SNX6: variants seen among roughly 807,000 people sequenced by gnomAD.
SNX6 encodes the protein sorting nexin-6.
Under a neutral mutation model 63.0 loss-of-function variants are expected in SNX6, and 34 were observed. That is an observed-to-expected ratio of 0.54 (90% CI 0.41 to 0.72). SNX6 has a LOEUF of 0.72. Among genes scored for constraint, SNX6 ranks in the 30% least tolerant of loss-of-function variants. The probability of loss-of-function intolerance (pLI) is 0.00; values close to 1 mark genes in which losing one functional copy is unlikely to be tolerated. For missense variants in SNX6, 398 were observed against 471.4 expected (o/e 0.84, Z 1.44); for synonymous variants, 170 against 164.2 (o/e 1.04, Z -0.27).
At chr14:34,588,159 C>T (rs899316775) in intron 8 of SNX6, among the ~76,000 whole-genome samples, 3 of 151,994 alleles carry the variant, frequency 2.0e-5, no homozygotes, top group Non-Finnish European at 2.9e-5. Context: ...AGGCGCCCGC[C>T]ACCACGCCCA....
At chr14:34,570,227 G>A (rs1477158417) in intron 11 of SNX6, among the ~76,000 whole-genome samples, 2 of 151,646 alleles carry the variant, frequency 1.3e-5, no homozygotes, top group Admixed American at 6.6e-5. Context: ...GTGCCACCAC[G>A]CCTGGCTAAT....
At chr14:34,618,846 C>T (rs372475789) in intron 2 of SNX6, among the ~76,000 whole-genome samples, 150 of 152,188 alleles carry the variant, frequency 9.9e-4, no homozygotes, top group Admixed American at 3.3e-3. Flanking sequence ...CCCTCCCAGC[C>T]CAAAAATCCC....
intron 6 of SNX6, 112 bp from the exon 7 acceptor site, chr14:34,597,757 TA>T (rs1282800974): frequency 3.2e-6 from 2 of 627,194 alleles, no homozygotes; most frequent in Non-Finnish European, 5.5e-6. Flanking sequence ...TTAATCTTAA[TA>T]AAGTGGAAAT....
chr14:34,569,820 T>C (rs73234377), intron 11 of SNX6, among the ~76,000 whole-genome samples: 1,599 of 152,264 alleles, frequency 0.011, 25 homozygotes, highest in African/African-American at 0.036. Context: ...TTACCACTTT[T>C]TGGATATAAT....
intron 2 of SNX6, among the ~76,000 whole-genome samples, chr14:34,611,599 T>C (rs537824971): frequency 6.0e-5 from 9 of 150,336 alleles, no homozygotes; most frequent in Non-Finnish European, 1.3e-4. Context: ...CTGGTCAACA[T>C]GGTGAAACCC....
rs916161964 is a variant in SNX6, at chr14:34,562,510, A to G, written c.*612T>C. On this transcript the variant is annotated 3_prime_UTR_variant, in exon 14 of 14. Coordinates refer to ENST00000362031, the MANE Select transcript of SNX6 (RefSeq NM_152233.4). ...CACTGTTATCGCTGTTTATTTTACA[A>G]TACTTGGTTTAGTCTACAAGTTTAA... is the stretch of plus-strand genomic sequence containing the variant. 1 of 152,678 alleles carries G rather than the reference A, an allele frequency of 6.5e-6. No homozygotes were observed. The highest frequency in any genetic ancestry group is 6.5e-5 in the Admixed American group (1 of 15,274). 9.5% of individuals were successfully genotyped at this position (152,678 alleles called of 1,614,324 possible). A position where few individuals can be genotyped will look rare whatever the true frequency, so the allele number is the denominator to read the frequency against.
chr14:34,578,634 G>GAAAAAAA (rs1214360269), intron 10 of SNX6, among the ~76,000 whole-genome samples: 1 of 97,028 alleles, frequency 1.0e-5, no homozygotes, highest in Non-Finnish European at 2.1e-5. Flanking sequence ...GTCTCAAAAA[G>GAAAAAAA]AAAAAAAAAA....
At chr14:34,587,390 G>A (rs756924823) in intron 8 of SNX6, among the ~76,000 whole-genome samples, 2 of 151,794 alleles carry the variant, frequency 1.3e-5, no homozygotes, top group East Asian at 2.0e-4. Flanking sequence ...AGAATTAGCC[G>A]AGTGTGGTGG....
chr14:34,593,635 G>A (rs745958875), intron 7 of SNX6, among the ~76,000 whole-genome samples: 1 of 149,950 alleles, frequency 6.7e-6, no homozygotes, highest in Non-Finnish European at 1.5e-5. Context: ...GCAGTGGCGC[G>A]ATCTTGGCTC....
intron 7 of SNX6, among the ~76,000 whole-genome samples, chr14:34,594,971 A>G (rs896352812): frequency 6.6e-6 from 1 of 152,074 alleles, no homozygotes; most frequent in Admixed American, 6.6e-5. Flanking sequence ...ACGTACCTAT[A>G]GTTCCAGCTA....
Position 34,604,265 on chromosome 14 carries a change from A to G in SNX6, c.393-794T>C, listed in dbSNP as rs768907430. 3 of 1,266,912 alleles carry G rather than the reference A, an allele frequency of 2.4e-6. No individual in the cohort carries two copies. The South Asian group carries it at 3.9e-5, about 17-fold the overall frequency. The allele number at this position is 1,266,912 out of a possible 1,614,324, so 78.5% of individuals were successfully genotyped here. The stretch of plus-strand genomic sequence containing the variant: ...TAAACCCAAGGTTCTCTGTTATCCA[A>G]CCCCTAACCAGACCACAAAAGAATC... On this transcript the variant is annotated intron_variant, in intron 5 of 13. Coordinates refer to ENST00000362031, the MANE Select transcript of SNX6 (RefSeq NM_152233.4).
intron 9 of SNX6, among the ~76,000 whole-genome samples, chr14:34,581,889 C>T (rs915995318): frequency 3.3e-5 from 5 of 151,992 alleles, no homozygotes; most frequent in African/African-American, 9.7e-5. Context: ...AGTGCAACTG[C>T]GCAATCTCAG....
chr14:34,596,621 GA>G (rs71121212), intron 7 of SNX6, among the ~76,000 whole-genome samples: 60 of 131,380 alleles, frequency 4.6e-4, no homozygotes, highest in Admixed American at 6.2e-4. Flanking sequence ...TCTATCTCAG[GA>G]AAAAAAAAAA....
At chr14:34,621,687 A>T (rs961999821) in intron 2 of SNX6, among the ~76,000 whole-genome samples, 3 of 152,200 alleles carry the variant, frequency 2.0e-5, no homozygotes, top group Non-Finnish European at 1.5e-5. Context: ...TCCTTCCTAC[A>T]TTCTATGTTT....
chr14:34,578,937 C>CAAA lies in SNX6; in HGVS notation c.834+2621_834+2623dup, dbSNP rs71121210. ...CTGGCGACAGAGCGAGACTTCATCTCAAAAAAAAAAAAAAAAAAAAAAAAA... is the reference window on the plus strand; with the variant it reads ...CTGGCGACAGAGCGAGACTTCATCTCAAAAAAAAAAAAAAAAAAAAAAAAAAAA... On this transcript the variant is annotated intron_variant, in intron 10 of 13. Coordinates refer to ENST00000362031, the MANE Select transcript of SNX6 (RefSeq NM_152233.4). Among the ~76,000 whole-genome samples, 103 of 22,544 alleles carry CAAA rather than the reference C, an allele frequency of 4.6e-3. 14 individuals carry two copies. Among genetic ancestry groups the CAAA allele is most frequent in the Admixed American group, 0.012 (11 of 906 alleles). 14.8% of individuals were successfully genotyped at this position (22,544 alleles called of 152,430 possible).
chr14:34,581,048 T>C (rs970172746), intron 10 of SNX6, among the ~76,000 whole-genome samples: 1 of 152,228 alleles, frequency 6.6e-6, no homozygotes, highest in Non-Finnish European at 1.5e-5. Flanking sequence ...TGTTTCATCA[T>C]CCTTCTGAAG....
chr14:34,614,223 T>G (rs904714564), intron 2 of SNX6, among the ~76,000 whole-genome samples: 23 of 151,774 alleles, frequency 1.5e-4, no homozygotes, highest in Middle Eastern at 3.4e-3. Context: ...GCTCAGGAGT[T>G]CAAGACCAAT....
intron 2 of SNX6, among the ~76,000 whole-genome samples, chr14:34,613,222 G>A (rs1380041307): frequency 1.6e-4 from 25 of 152,190 alleles, no homozygotes; most frequent in Non-Finnish European, 2.9e-5. Context: ...TCCGGAGGGA[G>A]AGCTGGCCCT....
chr14:34,593,096 G>A lies in SNX6; in HGVS notation c.667C>T (p.Arg223Ter), dbSNP rs556464729. 2 of 1,608,748 alleles carry A rather than the reference G, an allele frequency of 1.2e-6. No homozygotes were observed. Among genetic ancestry groups the A allele is most frequent in the Non-Finnish European group, 1.7e-6 (2 of 1,178,528 alleles). ...GATTTAGCAGATGCATCCTTAACTC[G>A]GTTATGATACTCCAAAAGAAATGTT... ...ERTFLLEYHN[R>*]VKDASAKSDR... The change falls in exon 8 of 14, where the codon CGA becomes TGA. Residue 223 changes from arginine (R) to a stop codon, truncating the protein, a stop_gained. Coordinates refer to ENST00000362031, the MANE Select transcript of SNX6 (RefSeq NM_152233.4). LOFTEE classifies it high-confidence loss of function.
Sources: allele counts gnomAD v4.1 joint callset (sites outside exome capture counted in the v4.1 genomes callset), GRCh38; gene constraint gnomAD v4.1.1; transcripts MANE v1.5; gene names NCBI Gene and HGNC (gene_info 2026-07-23, HGNC 2026-07-21).